DNAH14: variants seen among roughly 807,000 people sequenced by gnomAD.
The protein encoded by DNAH14 is axonemal beta dynein heavy chain 14.
Under a neutral mutation model 520.9 loss-of-function variants are expected in DNAH14, and 478 were observed. The observed-to-expected ratio is 0.92, with a 90% confidence interval of 0.85 to 0.99. The LOEUF (loss-of-function observed/expected upper bound fraction) is 0.99. DNAH14 is among the 50% of genes least tolerant of loss of function. The pLI is 0.00. For missense variants in DNAH14, 4,831 were observed against 5,234.5 expected (o/e 0.92, Z 2.38); for synonymous variants, 1,581 against 1,757.2 (o/e 0.90, Z 2.51).
Position 225,079,269 on chromosome 1 carries a change from G to T in DNAH14, c.2487G>T (p.Glu829Asp). ...CDPTEIEEFL[E>D]HFIFLNAISS... ...CCACTGAAATAGAAGAATTTCTGGA[G>T]CATTTTATTTTTTTGAATGCAATTT... Residue 829 changes from glutamate to aspartate, a missense_variant, in exon 18 of 86, where the codon GAG (glutamate) becomes GAT (aspartate). Coordinates refer to ENST00000682510, the MANE Select transcript of DNAH14 (RefSeq NM_001367479.1). 6.5e-7 allele frequency: 1 copy of T among 1,548,384 alleles called. No homozygotes were observed. Among genetic ancestry groups the T allele is most frequent in the Non-Finnish European group, 8.7e-7 (1 of 1,146,326 alleles).
At chr1:225,075,478 G>A (rs2148523589) in intron 17 of DNAH14, among the ~76,000 whole-genome samples, 1 of 152,154 alleles carries the variant, frequency 6.6e-6, no homozygotes, top group South Asian at 2.1e-4. Flanking sequence ...AAATCTCTTT[G>A]TTAAATTTCT....
intron 17 of DNAH14, among the ~76,000 whole-genome samples, chr1:225,076,402 T>C (rs2072279687): frequency 6.6e-6 from 1 of 152,214 alleles, no homozygotes. Context: ...AGTGTGCCTT[T>C]TCTTATTTCT....
chr1:225,082,523 G>T, intron 19 of DNAH14, 26 bp from the exon 20 acceptor site: 1 of 1,458,928 alleles, frequency 6.9e-7, no homozygotes, highest in Non-Finnish European at 9.1e-7. Context: ...CATATTATAA[G>T]CCTACTGACC....
At chr1:225,005,652 A>G (rs967362532) in intron 9 of DNAH14, among the ~76,000 whole-genome samples, 5 of 152,170 alleles carry the variant, frequency 3.3e-5, no homozygotes, top group South Asian at 2.1e-4. Flanking sequence ...GTACTTTTCA[A>G]TCTTTTTTGT....
At chr1:225,323,390 G>T (rs941807437) in intron 62 of DNAH14, among the ~76,000 whole-genome samples, 1 of 152,214 alleles carries the variant, frequency 6.6e-6, no homozygotes, top group South Asian at 2.1e-4. Flanking sequence ...CAAAGCTACT[G>T]CAACAACAGT....
intron 41 of DNAH14, among the ~76,000 whole-genome samples, chr1:225,224,544 C>T (rs939499285): frequency 1.3e-5 from 2 of 152,094 alleles, no homozygotes; most frequent in Admixed American, 6.6e-5. Flanking sequence ...AAAGACAATT[C>T]AAAGCATATT....
intron 1 of DNAH14, among the ~76,000 whole-genome samples, chr1:224,940,529 T>C (rs1051137398): frequency 6.6e-6 from 1 of 152,210 alleles, no homozygotes; most frequent in Admixed American, 6.5e-5. Context: ...TTTTATTTTA[T>C]TTTTATTATA....
rs1200789245 is a variant in DNAH14, at chr1:225,132,474, G to GT, written c.4255-8290dup. 7.9e-5 allele frequency among the ~76,000 whole-genome samples: 12 copies of GT among 152,106 alleles called. No homozygotes were observed. In the East Asian group the frequency reaches 2.3e-3, roughly 29 times the overall value. On this transcript the variant is annotated intron_variant, in intron 27 of 85. Transcript: ENST00000682510. Reference sequence around the variant, plus strand: ...TATAAGTGAGAAAATATGGTGTTTGGTTTTCTGTTCCTGCATTAGTTTGCT... The same window carrying GT: ...TATAAGTGAGAAAATATGGTGTTTGGTTTTTCTGTTCCTGCATTAGTTTGCT...
At chr1:225,254,000 C>G (rs2092650053) in intron 44 of DNAH14, among the ~76,000 whole-genome samples, 2 of 152,022 alleles carry the variant, frequency 1.3e-5, no homozygotes, top group Admixed American at 6.6e-5. Context: ...CGGGATATGA[C>G]TAGAGGTGAA....
chr1:224,960,359 C>A, intron 4 of DNAH14, 57 bp downstream of exon 4: 1 of 1,430,808 alleles, frequency 7.0e-7, no homozygotes, highest in South Asian at 1.7e-5. Context: ...TCAGATTATT[C>A]TGTGGTTTGT....
At chr1:224,964,729 A>T in intron 5 of DNAH14, 120 bp downstream of exon 5, 2 of 915,072 alleles carry the variant, frequency 2.2e-6, no homozygotes, top group Non-Finnish European at 3.1e-6. Context: ...TCAAGTTACA[A>T]TTATTTCATG....
chr1:225,202,172 G>C (rs2086923825), intron 38 of DNAH14, among the ~76,000 whole-genome samples: 1 of 152,130 alleles, frequency 6.6e-6, no homozygotes, highest in South Asian at 2.1e-4. Flanking sequence ...CACCTCACCT[G>C]GCCCAGGAGG....
intron 11 of DNAH14, among the ~76,000 whole-genome samples, chr1:225,034,901 T>C (rs2066830945): frequency 6.6e-6 from 1 of 152,170 alleles, no homozygotes; most frequent in Admixed American, 6.5e-5. Flanking sequence ...TTTTTATTTC[T>C]ATGGGGTCAG....
At chr1:225,335,891 A>ACACATATG (rs1456568724) in intron 66 of DNAH14, among the ~76,000 whole-genome samples, 7 of 113,082 alleles carry the variant, frequency 6.2e-5, no homozygotes, top group African/African-American at 2.0e-4. Context: ...ATATGTACAT[A>ACACATATG]TACATACATA....
chr1:225,257,905 G>T, intron 44 of DNAH14, 55 bp from the exon 45 acceptor site: 3 of 1,207,940 alleles, frequency 2.5e-6, no homozygotes, highest in South Asian at 1.5e-5. Flanking sequence ...AAAAAAAGAT[G>T]AGGTGAATAG....
intron 79 of DNAH14, among the ~76,000 whole-genome samples, chr1:225,378,137 A>C (rs1400095166): frequency 6.6e-6 from 1 of 152,058 alleles, no homozygotes; most frequent in Non-Finnish European, 1.5e-5. Context: ...AATATTTAAG[A>C]TACCAACATA....
At chr1:225,238,961 C>T (rs1356030132) in intron 42 of DNAH14, among the ~76,000 whole-genome samples, 2 of 152,200 alleles carry the variant, frequency 1.3e-5, no homozygotes, top group Non-Finnish European at 2.9e-5. Flanking sequence ...CACCTGGACT[C>T]TCCAGAGCCA....
At chr1:224,964,698 A>G in intron 5 of DNAH14, 89 bp downstream of exon 5, 1 of 1,139,624 alleles carries the variant, frequency 8.8e-7, no homozygotes, top group Non-Finnish European at 1.2e-6. Context: ...TATTATGTCA[A>G]AGTCAAACAT....
At chr1:225,314,562 C>G (rs1224219403) in intron 60 of DNAH14, among the ~76,000 whole-genome samples, 1 of 152,148 alleles carries the variant, frequency 6.6e-6, no homozygotes, top group Middle Eastern at 3.2e-3. Context: ...TATGTTTTTG[C>G]AGTGGCTGGT....
Sources: allele counts gnomAD v4.1 joint callset (sites outside exome capture counted in the v4.1 genomes callset), GRCh38; gene constraint gnomAD v4.1.1; transcripts MANE v1.5; gene names NCBI Gene and HGNC (gene_info 2026-07-23, HGNC 2026-07-21).